The following MACROD2 variants were observed in gnomAD, a reference collection of about 807,000 sequenced individuals.
MACROD2 encodes mono-ADP ribosylhydrolase 2, also known as ADP-ribose glycohydrolase MACROD2.
Under a neutral mutation model 70.4 loss-of-function variants are expected in MACROD2, and 36 were observed. That is an observed-to-expected ratio of 0.51 (90% CI 0.39 to 0.68). The LOEUF is 0.68. Among genes scored for constraint, MACROD2 ranks in the 30% least tolerant of loss-of-function variants. MACROD2 has a pLI of 0.00. For synonymous variants in MACROD2, 172 were observed against 178.8 expected (o/e 0.96, Z 0.30); for missense variants, 496 against 538.4 (o/e 0.92, Z 0.78).
At chr20:15,398,209 C>T (rs1568776215) in intron 6 of MACROD2, among the ~76,000 whole-genome samples, 1 of 152,166 alleles carries the variant, frequency 6.6e-6, no homozygotes, top group Non-Finnish European at 1.5e-5. Flanking sequence ...TTCCTATCTA[C>T]TTTTTGATTT....
At chr20:15,028,429 A>G (rs2075250072) in intron 5 of MACROD2, among the ~76,000 whole-genome samples, 1 of 152,208 alleles carries the variant, frequency 6.6e-6, no homozygotes, top group South Asian at 2.1e-4. Flanking sequence ...AAAGTACTGC[A>G]AACAAGGTCT....
At chr20:15,676,223 T>A (rs1454480553) in intron 8 of MACROD2, among the ~76,000 whole-genome samples, 1 of 152,230 alleles carries the variant, frequency 6.6e-6, no homozygotes, top group Non-Finnish European at 1.5e-5. Context: ...CCATAAAAGC[T>A]GTAAAAATAT....
At chr20:15,905,658 A>C (rs2065136542) in intron 10 of MACROD2, among the ~76,000 whole-genome samples, 1 of 152,126 alleles carries the variant, frequency 6.6e-6, no homozygotes, top group Non-Finnish European at 1.5e-5. Context: ...CGTTAAGGAG[A>C]GGTATTGCTA....
At chr20:15,580,001 C>A (rs2048502325) in intron 8 of MACROD2, among the ~76,000 whole-genome samples, 1 of 152,120 alleles carries the variant, frequency 6.6e-6, no homozygotes, top group South Asian at 2.1e-4. Context: ...TATCTTTAGT[C>A]TCCATGTTGA....
At chr20:15,462,901 G>A (rs1354501432) in intron 7 of MACROD2, among the ~76,000 whole-genome samples, 1 of 151,810 alleles carries the variant, frequency 6.6e-6, no homozygotes, top group Non-Finnish European at 1.5e-5. Flanking sequence ...CAGTAAAAGG[G>A]TTTTTTCCCC....
At chr20:15,313,034 T>C in intron 6 of MACROD2, among the ~76,000 whole-genome samples, 1 of 152,312 alleles carries the variant, frequency 6.6e-6, no homozygotes, top group East Asian at 1.9e-4. Context: ...TATTTATATG[T>C]TTGCATATAT....
chr20:14,136,073 A>G (rs181396633), intron 3 of MACROD2, among the ~76,000 whole-genome samples: 2 of 152,242 alleles, frequency 1.3e-5, no homozygotes, highest in African/African-American at 2.4e-5. Flanking sequence ...GTGATCTTCT[A>G]TTAGAAAATT....
At chr20:15,362,125 C>G (rs2078359450) in intron 6 of MACROD2, among the ~76,000 whole-genome samples, 1 of 151,900 alleles carries the variant, frequency 6.6e-6, no homozygotes, top group South Asian at 2.1e-4. Context: ...GATTCTTATG[C>G]CTCAGCCTTC....
At chr20:15,193,523 C>T (rs960089350) in intron 5 of MACROD2, among the ~76,000 whole-genome samples, 4 of 152,040 alleles carry the variant, frequency 2.6e-5, no homozygotes, top group African/African-American at 9.7e-5. Context: ...TGGCACACAC[C>T]TGTAGTCCCA....
intron 4 of MACROD2, among the ~76,000 whole-genome samples, chr20:14,638,109 A>C (rs895073152): frequency 1.3e-5 from 2 of 152,042 alleles, no homozygotes; most frequent in African/African-American, 2.4e-5. Context: ...AGGGTGGTAC[A>C]TCATTGGAAA....
rs113662958 is a variant in MACROD2, at chr20:14,382,108, C to A, written c.272-111371C>A. ...ATGGAGTCTCGCTCTGTCGCCCAAG[C>A]TGGAGTGCAGTGGTGCCATCTGGGC... On this transcript the variant is annotated intron_variant, in intron 3 of 17. Transcript: ENST00000684519. Among the ~76,000 whole-genome samples, 688 of 142,268 alleles carry A rather than the reference C, an allele frequency of 4.8e-3. 8 individuals are homozygous for A. The highest frequency in any genetic ancestry group is 0.017 in the African/African-American group (639 of 37,870). The allele number at this position is 142,268 out of a possible 152,430, so 93.3% of individuals were successfully genotyped here.
intron 6 of MACROD2, among the ~76,000 whole-genome samples, chr20:15,352,497 T>G (rs1315391577): frequency 6.6e-6 from 1 of 152,178 alleles, no homozygotes; most frequent in African/African-American, 2.4e-5. Context: ...GATTCTTTTT[T>G]CTTAAGTGAA....
chr20:14,230,654 T>TATATATATATATATATATATATAAA lies in MACROD2; in HGVS notation c.271+144927_271+144928insTATATATATATATATATATATAAAA. The stretch of plus-strand genomic sequence containing the variant: ...GTTTATATATATATATATATATATA[T>TATATATATATATATATATATATAAA]AACACAGGCTGGGCCTATATATATA... On this transcript the variant is annotated intron_variant, in intron 3 of 17. Coordinates refer to ENST00000684519, the MANE Select transcript of MACROD2 (RefSeq NM_001351661.2). Among the ~76,000 whole-genome samples, 59 of 74,222 alleles carry TATATATATATATATATATATATAAA rather than the reference T, an allele frequency of 7.9e-4. 5 individuals are homozygous for TATATATATATATATATATATATAAA. Among genetic ancestry groups the TATATATATATATATATATATATAAA allele is most frequent in the African/African-American group, 3.8e-3 (56 of 14,804 alleles). The allele number at this position is 74,222 out of a possible 152,430, so 48.7% of individuals were successfully genotyped here.
chr20:14,958,186 C>T (rs1202882058), intron 5 of MACROD2, among the ~76,000 whole-genome samples: 3 of 152,186 alleles, frequency 2.0e-5, no homozygotes, highest in South Asian at 2.1e-4. Flanking sequence ...TCCACACTCA[C>T]ATCAGTCAGA....
intron 17 of MACROD2, among the ~76,000 whole-genome samples, 154 bp downstream of exon 17, chr20:16,044,793 G>T (rs974959092): frequency 4.6e-5 from 7 of 152,088 alleles, no homozygotes; most frequent in African/African-American, 1.7e-4. Context: ...CACAGCGTAA[G>T]GGGAAACGAT....
At chr20:14,438,317 T>C (rs1478429755) in intron 3 of MACROD2, among the ~76,000 whole-genome samples, 1 of 152,200 alleles carries the variant, frequency 6.6e-6, no homozygotes, top group East Asian at 1.9e-4. Context: ...TCCATTTGTC[T>C]GTGGACACAC....
intron 8 of MACROD2, among the ~76,000 whole-genome samples, chr20:15,708,948 C>G (rs1307496260): frequency 3.3e-5 from 5 of 152,118 alleles, no homozygotes; most frequent in Non-Finnish European, 7.4e-5. Context: ...ATCTTTTGAG[C>G]CTGGGAGTTT....
chr20:14,852,844 A>G (rs903190190), intron 5 of MACROD2, among the ~76,000 whole-genome samples: 9 of 152,162 alleles, frequency 5.9e-5, no homozygotes, highest in Admixed American at 1.3e-4. Context: ...ATTCTGTTTT[A>G]TTCTGTTCAA....
chr20:14,913,318 A>G (rs1444122587), intron 5 of MACROD2, among the ~76,000 whole-genome samples: 1 of 152,298 alleles, frequency 6.6e-6, no homozygotes, highest in African/African-American at 2.4e-5. Flanking sequence ...TAAAACAAAC[A>G]TCATTTATGG....
Sources: allele counts gnomAD v4.1 joint callset (sites outside exome capture counted in the v4.1 genomes callset), GRCh38; gene constraint gnomAD v4.1.1; transcripts MANE v1.5; gene names NCBI Gene and HGNC (gene_info 2026-07-23, HGNC 2026-07-21).